Variants in GALNTL6 observed in about 807,000 individuals in gnomAD.
The protein encoded by GALNTL6 is polypeptide N-acetylgalactosaminyltransferase like 6.
Under a neutral mutation model 73.7 loss-of-function variants are expected in GALNTL6, and 46 were observed. That is an observed-to-expected ratio of 0.62 (90% CI 0.49 to 0.80). The LOEUF (loss-of-function observed/expected upper bound fraction) is 0.80, where lower values mean the gene tolerates loss of function less well. GALNTL6 is among the 30% of genes least tolerant of loss of function. The probability of loss-of-function intolerance (pLI) is 0.00; values close to 1 mark genes in which losing one functional copy is unlikely to be tolerated. For missense variants in GALNTL6, 604 were observed against 755.0 expected (o/e 0.80, Z 2.34); for synonymous variants, 259 against 263.7 (o/e 0.98, Z 0.17).
At chr4:172,727,044 A>C (rs1735858546) in intron 5 of GALNTL6, among the ~76,000 whole-genome samples, 1 of 152,248 alleles carries the variant, frequency 6.6e-6, no homozygotes, top group Non-Finnish European at 1.5e-5. Context: ...GGAAAACTAT[A>C]AAATGTGTAA....
rs373096374 is a variant in GALNTL6, at chr4:172,226,173, A to G, written c.139-3483A>G. Among the ~76,000 whole-genome samples, 9 of 152,272 alleles carry G rather than the reference A, an allele frequency of 5.9e-5. No homozygotes were observed. The South Asian group carries it at 1.5e-3, about 25-fold the overall frequency. ...CTGATACCAAGGGGCAACTGTGTCA[A>G]TCTTTTATTTTCATTCTGTCATATG... On this transcript the variant is annotated intron_variant, in intron 2 of 12. Transcript: ENST00000506823.
intron 5 of GALNTL6, among the ~76,000 whole-genome samples, chr4:172,686,314 G>A (rs1302382988): frequency 1.3e-5 from 2 of 152,046 alleles, no homozygotes; most frequent in Non-Finnish European, 2.9e-5. Context: ...CAGAGCCTCA[G>A]ACCCCCACCC....
chr4:172,955,346 C>A (rs1317039021), intron 10 of GALNTL6, among the ~76,000 whole-genome samples: 1 of 151,896 alleles, frequency 6.6e-6, no homozygotes, highest in Non-Finnish European at 1.5e-5. Flanking sequence ...GGCATGGTGG[C>A]ATGTGCCTGT....
chr4:172,764,837 A>G (rs369973426), intron 5 of GALNTL6, among the ~76,000 whole-genome samples: 1 of 152,238 alleles, frequency 6.6e-6, no homozygotes, highest in Non-Finnish European at 1.5e-5. Context: ...AGTTTGTCTT[A>G]TATAGACTAC....
intron 2 of GALNTL6, among the ~76,000 whole-genome samples, chr4:172,137,466 T>A (rs759177802): frequency 3.9e-5 from 6 of 152,166 alleles, no homozygotes; most frequent in Non-Finnish European, 8.8e-5. Flanking sequence ...ATAAATTGAC[T>A]GAAAGTTTAT....
chr4:172,832,724 G>A (rs1278904722), intron 7 of GALNTL6, among the ~76,000 whole-genome samples: 4 of 152,300 alleles, frequency 2.6e-5, no homozygotes, highest in African/African-American at 4.8e-5. Flanking sequence ...AAAGGCCAGA[G>A]CCTCACACCT....
chr4:171,971,200 C>T (rs987706978), intron 2 of GALNTL6, among the ~76,000 whole-genome samples: 8 of 152,124 alleles, frequency 5.3e-5, no homozygotes, highest in African/African-American at 1.7e-4. Flanking sequence ...AATGAAAATG[C>T]CATAATTATC....
At chr4:172,450,215 T>TAAAAA (rs55660692) in intron 5 of GALNTL6, among the ~76,000 whole-genome samples, 1 of 142,942 alleles carries the variant, frequency 7.0e-6, no homozygotes, top group East Asian at 2.1e-4. Context: ...GAAACTCCAT[T>TAAAAA]AAAAAAAAAA....
intron 5 of GALNTL6, among the ~76,000 whole-genome samples, chr4:172,665,599 T>C (rs1012030945): frequency 3.9e-5 from 6 of 152,232 alleles, no homozygotes; most frequent in African/African-American, 1.4e-4. Context: ...CTTTGTTTCA[T>C]GCATATGCAT....
intron 5 of GALNTL6, among the ~76,000 whole-genome samples, chr4:172,659,247 A>C (rs1172005886): frequency 6.6e-6 from 1 of 151,872 alleles, no homozygotes; most frequent in Non-Finnish European, 1.5e-5. Flanking sequence ...TAAAATTTTT[A>C]TGTATGCTCT....
chr4:172,583,191 CAT>C (rs150556550), intron 5 of GALNTL6, among the ~76,000 whole-genome samples: 3,360 of 152,174 alleles, frequency 0.022, 118 homozygotes, highest in African/African-American at 0.073. Context: ...GTAAAGAAAA[CAT>C]GTGAGAAAAT....
chr4:172,379,398 C>T (rs1390761740), intron 5 of GALNTL6, among the ~76,000 whole-genome samples: 11 of 151,904 alleles, frequency 7.2e-5, no homozygotes, highest in East Asian at 1.9e-4. Context: ...GGCACGGTGG[C>T]GGGCGCCTGT....
chr4:172,181,433 C>T (rs1560957454), intron 2 of GALNTL6, among the ~76,000 whole-genome samples: 1 of 152,068 alleles, frequency 6.6e-6, no homozygotes, highest in Non-Finnish European at 1.5e-5. Context: ...GCTAAAAACT[C>T]TCAATAACAT....
intron 5 of GALNTL6, among the ~76,000 whole-genome samples, chr4:172,379,670 A>T (rs11941397): frequency 0.016 from 2,428 of 151,534 alleles, 60 homozygotes; most frequent in African/African-American, 0.055. Context: ...AAATAAAATA[A>T]AATAAAATAA....
chr4:172,377,938 A>C (rs1743105959), intron 5 of GALNTL6, among the ~76,000 whole-genome samples: 3 of 148,216 alleles, frequency 2.0e-5, no homozygotes, highest in East Asian at 2.1e-4. Flanking sequence ...ACCTCCCCAC[A>C]AGCAGAGGGA....
At chr4:171,929,497 A>G (rs767164645) in intron 2 of GALNTL6, among the ~76,000 whole-genome samples, 1 of 152,162 alleles carries the variant, frequency 6.6e-6, no homozygotes, top group African/African-American at 2.4e-5. Flanking sequence ...CATCAACACA[A>G]AAACCCAAAG....
intron 2 of GALNTL6, among the ~76,000 whole-genome samples, chr4:171,902,042 T>A (rs560792402): frequency 2.0e-5 from 3 of 152,128 alleles, no homozygotes; most frequent in Admixed American, 6.6e-5. Context: ...GAGAGATAAG[T>A]GGGAATGTTG....
intron 3 of GALNTL6, among the ~76,000 whole-genome samples, chr4:172,236,659 G>A (rs535728281): frequency 3.3e-5 from 5 of 151,450 alleles, no homozygotes; most frequent in Admixed American, 6.6e-5. Flanking sequence ...TTTCTGTTTC[G>A]TTCTGGTAAT....
chr4:172,254,399 T>A (rs1278563577), intron 3 of GALNTL6, among the ~76,000 whole-genome samples: 5 of 151,766 alleles, frequency 3.3e-5, no homozygotes, highest in Non-Finnish European at 5.9e-5. Context: ...ATGATACAAG[T>A]CGTTTTGCTT....
Sources: gnomAD v4.1 joint callset for allele counts (sites outside exome capture counted in the v4.1 genomes callset) on GRCh38, gnomAD v4.1.1 for gene constraint, MANE v1.5 for transcripts, NCBI Gene and HGNC (gene_info 2026-07-23, HGNC 2026-07-21) for gene names.